FHIT: variants seen among roughly 807,000 people sequenced by gnomAD.
FHIT encodes bis(5'-adenosyl)-triphosphatase.
FHIT carries 19 observed loss-of-function variants against 17.9 expected under a neutral mutation model. That is an observed-to-expected ratio of 1.06 (90% CI 0.74 to 1.56). The LOEUF (loss-of-function observed/expected upper bound fraction) is 1.56, where lower values mean the gene tolerates loss of function less well. FHIT is among the 40% of genes most tolerant of loss of function. The pLI, the probability that FHIT is intolerant of heterozygous loss-of-function variation, is 0.00. For synonymous variants in FHIT, 81 were observed against 69.7 expected (o/e 1.16, Z -0.81); for missense variants, 248 against 189.2 (o/e 1.31, Z -1.82).
At chr3:60,010,877 G>A (rs763462745) in intron 7 of FHIT, among the ~76,000 whole-genome samples, 18 of 151,880 alleles carry the variant, frequency 1.2e-4, no homozygotes, top group Non-Finnish European at 2.1e-4. Flanking sequence ...TGGGGGTGAC[G>A]AGAAGGAGAA....
At chr3:60,430,238 C>T (rs1453442887) in intron 5 of FHIT, among the ~76,000 whole-genome samples, 1 of 152,000 alleles carries the variant, frequency 6.6e-6, no homozygotes, top group African/African-American at 2.4e-5. Flanking sequence ...CCAGTTTACT[C>T]AAGTGTCTAA....
intron 2 of FHIT, among the ~76,000 whole-genome samples, chr3:61,158,051 T>C (rs1033924014): frequency 1.3e-5 from 2 of 152,210 alleles, no homozygotes; most frequent in Admixed American, 1.3e-4. Context: ...AAACTTATAA[T>C]TAATCTACCT....
chr3:61,051,278 T>TG lies in FHIT; in HGVS notation c.-163-9180dup, dbSNP rs572795262. Among the ~76,000 whole-genome samples the TG allele has an allele frequency of 7.0e-3, 1,063 of 152,212 alleles. 9 individuals carry two copies. The highest frequency in any genetic ancestry group is 0.038 in the South Asian group (185 of 4,826). On this transcript the variant is annotated intron_variant, in intron 2 of 9. Transcript: ENST00000492590. ...TTGTTTGTTTGTTTGTTTGTTTGTT[T>TG]GTTTGTTTTTGAGACAGGGTCTCAA...
At chr3:60,880,083 C>G (rs1375809900) in intron 3 of FHIT, among the ~76,000 whole-genome samples, 6 of 152,044 alleles carry the variant, frequency 3.9e-5, no homozygotes, top group Non-Finnish European at 4.4e-5. Context: ...CATTATAGTT[C>G]AATTGTCAAA....
chr3:60,058,083 A>G (rs1702152209), intron 5 of FHIT, among the ~76,000 whole-genome samples: 1 of 150,976 alleles, frequency 6.6e-6, no homozygotes, highest in African/African-American at 2.4e-5. Flanking sequence ...GGAGGGAGAA[A>G]GTAGTCCGGG....
intron 3 of FHIT, among the ~76,000 whole-genome samples, chr3:60,856,912 A>G (rs1467248740): frequency 6.6e-6 from 1 of 152,096 alleles, no homozygotes; most frequent in Non-Finnish European, 1.5e-5. Context: ...CTGAGATTGT[A>G]CTTCACTCCA....
chr3:60,578,094 G>A (rs963412104), intron 4 of FHIT, among the ~76,000 whole-genome samples: 3 of 151,976 alleles, frequency 2.0e-5, no homozygotes, highest in African/African-American at 7.2e-5. Flanking sequence ...ACAGCACAAG[G>A]AACAGACATT....
intron 5 of FHIT, among the ~76,000 whole-genome samples, chr3:60,119,032 C>CAA (rs142758352): frequency 4.0e-5 from 6 of 150,028 alleles, no homozygotes; most frequent in Non-Finnish European, 7.4e-5. Flanking sequence ...AAAACAAAAA[C>CAA]AAAAAAAACN....
intron 5 of FHIT, among the ~76,000 whole-genome samples, chr3:60,497,352 T>C (rs1210239780): frequency 6.6e-6 from 1 of 152,226 alleles, no homozygotes; most frequent in Non-Finnish European, 1.5e-5. Flanking sequence ...TGAAAATATG[T>C]TAAATTTTTT....
At chr3:60,218,642 G>A (rs569789070) in intron 5 of FHIT, among the ~76,000 whole-genome samples, 10 of 152,054 alleles carry the variant, frequency 6.6e-5, no homozygotes, top group African/African-American at 2.4e-4. Context: ...ATTTTGCAAT[G>A]ACAAGATGGT....
At chr3:60,680,617 T>G (rs1254223224) in intron 4 of FHIT, among the ~76,000 whole-genome samples, 2 of 150,252 alleles carry the variant, frequency 1.3e-5, no homozygotes, top group Non-Finnish European at 3.0e-5. Context: ...AATACCAAAC[T>G]CTGCAAAACT....
chr3:59,887,633 A>C (rs181743155), intron 8 of FHIT, among the ~76,000 whole-genome samples: 64 of 152,324 alleles, frequency 4.2e-4, no homozygotes, highest in Non-Finnish European at 7.8e-4. Flanking sequence ...GATAACATAG[A>C]AGTAAAATAC....
intron 3 of FHIT, among the ~76,000 whole-genome samples, chr3:60,888,966 C>T (rs6772819): frequency 0.28 from 41,769 of 151,872 alleles, 6,931 homozygotes; most frequent in African/African-American, 0.46. Flanking sequence ...AATAAATATG[C>T]CAGTATGTTC....
chr3:59,990,044 C>T (rs952079663), intron 7 of FHIT, among the ~76,000 whole-genome samples: 11 of 152,102 alleles, frequency 7.2e-5, no homozygotes, highest in Admixed American at 5.2e-4. Flanking sequence ...AATAGGAGAC[C>T]TCATACTTTA....
At chr3:60,107,729 A>G (rs1368705401) in intron 5 of FHIT, among the ~76,000 whole-genome samples, 1 of 152,210 alleles carries the variant, frequency 6.6e-6, no homozygotes, top group Non-Finnish European at 1.5e-5. Flanking sequence ...AAGCCAAGCA[A>G]GGTTTAGGTC....
At chr3:59,994,021 T>A (rs538869364) in intron 7 of FHIT, among the ~76,000 whole-genome samples, 49 of 152,176 alleles carry the variant, frequency 3.2e-4, no homozygotes, top group African/African-American at 1.1e-3. Context: ...AACTACTCTA[T>A]GACACCAAGC....
intron 1 of FHIT, among the ~76,000 whole-genome samples, chr3:61,222,795 G>T (rs973588093): frequency 6.6e-6 from 1 of 152,146 alleles, no homozygotes; most frequent in Admixed American, 6.5e-5. Flanking sequence ...GGAAACAATG[G>T]GGGGAATCAA....
At chr3:60,278,856 C>G (rs1349144423) in intron 5 of FHIT, among the ~76,000 whole-genome samples, 2 of 151,854 alleles carry the variant, frequency 1.3e-5, no homozygotes, top group Non-Finnish European at 2.9e-5. Flanking sequence ...GAAAATAGAG[C>G]TTAGCAAAAT....
At chr3:60,860,865 CAT>C (rs1372826999) in intron 3 of FHIT, among the ~76,000 whole-genome samples, 2 of 88,964 alleles carry the variant, frequency 2.2e-5, no homozygotes, top group East Asian at 2.6e-4. Flanking sequence ...AACATATGTA[CAT>C]ATATATCATG....
Sources: gnomAD v4.1 joint callset for allele counts (sites outside exome capture counted in the v4.1 genomes callset) on GRCh38, gnomAD v4.1.1 for gene constraint, MANE v1.5 for transcripts, NCBI Gene and HGNC (gene_info 2026-07-23, HGNC 2026-07-21) for gene names.